Variants in RXRA observed in about 807,000 individuals in gnomAD.
The protein encoded by RXRA is retinoic acid receptor RXR-alpha.
A neutral mutation model predicts 44.5 loss-of-function variants in RXRA; 5 were observed. The ratio of observed to expected loss-of-function variants is 0.11; its 90% CI spans 0.06 to 0.24. The LOEUF (loss-of-function observed/expected upper bound fraction) is 0.24. RXRA is among the 10% of genes least tolerant of loss of function. The probability of loss-of-function intolerance (pLI) is 1.00; values close to 1 mark genes in which losing one functional copy is unlikely to be tolerated. For missense variants in RXRA, 412 were observed against 646.5 expected (o/e 0.64, Z 3.93); for synonymous variants, 291 against 271.4 (o/e 1.07, Z -0.71).
At position 134,439,949 on chromosome 9, in the gene RXRA, A is replaced by G. The variant is rs1282693618; in HGVS notation, c.*3335A>G. 1 of 152,450 alleles carries G rather than the reference A, an allele frequency of 6.6e-6. No homozygotes were observed. Among genetic ancestry groups the G allele is most frequent in the Non-Finnish European group, 1.5e-5 (1 of 68,042 alleles). 9.4% of individuals were successfully genotyped at this position (152,450 alleles called of 1,614,324 possible). On this transcript the variant is annotated 3_prime_UTR_variant, in exon 10 of 10. Coordinates refer to ENST00000481739, the MANE Select transcript of RXRA (RefSeq NM_002957.6). The stretch of plus-strand genomic sequence containing the variant: ...CAAGGCAGGAGATGCATCTATTTTA[A>G]GATGCTTTGGAGCAGACAGCTTTAG...
chr9:134,434,496 C>T (rs1267264503), intron 9 of RXRA, among the ~76,000 whole-genome samples: 2 of 152,192 alleles, frequency 1.3e-5, no homozygotes, highest in Non-Finnish European at 2.9e-5. Context: ...CTTCACCCCC[C>T]ACTGCGCTCC....
chr9:134,429,917 G>C (rs1471973394), intron 7 of RXRA, among the ~76,000 whole-genome samples: 4 of 151,538 alleles, frequency 2.6e-5, no homozygotes, highest in Non-Finnish European at 5.9e-5. Flanking sequence ...ATGGAGTCTC[G>C]CTCTGTCGCC....
At chr9:134,383,554 C>T (rs567798306) in intron 1 of RXRA, among the ~76,000 whole-genome samples, 13 of 152,216 alleles carry the variant, frequency 8.5e-5, no homozygotes, top group African/African-American at 2.6e-4. Flanking sequence ...ATAAATGAAG[C>T]GCATTGATGG....
At chr9:134,331,389 G>A (rs1245609757) in intron 1 of RXRA, among the ~76,000 whole-genome samples, 1 of 152,200 alleles carries the variant, frequency 6.6e-6, no homozygotes, top group Non-Finnish European at 1.5e-5. Context: ...TGGGGAGAGC[G>A]GGTGCGGACC....
At chr9:134,370,325 T>G (rs538232706) in intron 1 of RXRA, among the ~76,000 whole-genome samples, 7 of 152,198 alleles carry the variant, frequency 4.6e-5, no homozygotes, top group Non-Finnish European at 1.0e-4. Context: ...CAGGGCTCTC[T>G]GCCCTCGCCG....
At chr9:134,354,683 G>A (rs1830262134) in intron 1 of RXRA, among the ~76,000 whole-genome samples, 1 of 152,250 alleles carries the variant, frequency 6.6e-6, no homozygotes, top group Non-Finnish European at 1.5e-5. Context: ...GGTTCCTCCT[G>A]CAGCTGTGCT....
Position 134,379,373 on chromosome 9 carries a change from T to G in RXRA, c.29-22259T>G, listed in dbSNP as rs967661955. 8 of 987,376 alleles carry G rather than the reference T, an allele frequency of 8.1e-6. No individual in the cohort carries two copies. The African/African-American group carries it at 1.0e-4, about 13-fold the overall frequency. The allele number at this position is 987,376 out of a possible 1,614,324, so 61.2% of individuals were successfully genotyped here. A position where few individuals can be genotyped will look rare whatever the true frequency, so the allele number is the denominator to read the frequency against. ...AGACAGTGGGAGGGGAGGCTGGCTG[T>G]CCTGTGGTGAGCTGCTTCTGGGGCA... On this transcript the variant is annotated intron_variant, in intron 1 of 9. Coordinates refer to ENST00000481739, the MANE Select transcript of RXRA (RefSeq NM_002957.6).
chr9:134,435,323 C>T (rs1564300956), intron 9 of RXRA, among the ~76,000 whole-genome samples: 1 of 152,146 alleles, frequency 6.6e-6, no homozygotes, highest in Non-Finnish European at 1.5e-5. Context: ...CTGTCCTCAG[C>T]GGCAGCTGCT....
At chr9:134,423,818 C>T (rs536227096) in intron 6 of RXRA, 4 of 985,458 alleles carry the variant, frequency 4.1e-6, no homozygotes, top group Admixed American at 6.1e-5. Flanking sequence ...GCCTGCCTGA[C>T]CCCAGTGGTC....
At chr9:134,370,377 G>C (rs1017862689) in intron 1 of RXRA, among the ~76,000 whole-genome samples, 2 of 152,222 alleles carry the variant, frequency 1.3e-5, no homozygotes, top group African/African-American at 4.8e-5. Flanking sequence ...TGCCCGGCTG[G>C]TTCCAAGGCC....
At chr9:134,332,695 G>C (rs1835024404) in intron 1 of RXRA, among the ~76,000 whole-genome samples, 1 of 152,192 alleles carries the variant, frequency 6.6e-6, no homozygotes, top group African/African-American at 2.4e-5. Context: ...GGTGCCCGGA[G>C]ACTGGGGGAT....
chr9:134,403,980 CCCTG>C, intron 2 of RXRA: 1 of 152,380 alleles, frequency 6.6e-6, no homozygotes, highest in East Asian at 1.9e-4. Flanking sequence ...CTTGACTTGG[CCCTG>C]GTTCCCCAGA....
chr9:134,356,388 G>A (rs1463361272), intron 1 of RXRA, among the ~76,000 whole-genome samples: 1 of 152,112 alleles, frequency 6.6e-6, no homozygotes, highest in Admixed American at 6.5e-5. Flanking sequence ...AGCTCCCACC[G>A]GGAACACACC....
chr9:134,371,639 C>T (rs948352875), intron 1 of RXRA, among the ~76,000 whole-genome samples: 2 of 152,250 alleles, frequency 1.3e-5, no homozygotes, highest in Non-Finnish European at 2.9e-5. Context: ...GCTCTTGGGC[C>T]GGTGCCTCTG....
intron 6 of RXRA, chr9:134,427,149 A>G (rs1831447345): frequency 1.0e-6 from 1 of 984,676 alleles, no homozygotes; most frequent in Admixed American, 6.2e-5. Flanking sequence ...GTGATGCTAC[A>G]GATGTTTCAT....
intron 1 of RXRA, among the ~76,000 whole-genome samples, chr9:134,327,253 C>G (rs547899129): frequency 7.0e-4 from 107 of 152,252 alleles, no homozygotes; most frequent in African/African-American, 2.5e-3. Flanking sequence ...AGGCCCCATT[C>G]CAGAAATGGG....
chr9:134,426,115 G>A lies in RXRA; in HGVS notation c.911-2993G>A. ...TTGGGAAGGGCCAGCCTCTTGAGTT[G>A]GAGGACATAGTGACCAAGGGAGCAG... On this transcript the variant is annotated intron_variant, in intron 6 of 9. Transcript: ENST00000481739. The surrounding 1 kb of genome is among the most constrained non-coding windows in gnomAD (Gnocchi z 4.6). The A allele has an allele frequency of 3.0e-6, 3 of 985,408 alleles. No individual in the cohort carries two copies. Among genetic ancestry groups the A allele is most frequent in the Non-Finnish European group, 3.6e-6 (3 of 829,920 alleles). 61.0% of individuals were successfully genotyped at this position (985,408 alleles called of 1,614,324 possible). A position where few individuals can be genotyped will look rare whatever the true frequency, so the allele number is the denominator to read the frequency against.
chr9:134,328,571 T>A (rs901301364), intron 1 of RXRA, among the ~76,000 whole-genome samples: 13 of 152,198 alleles, frequency 8.5e-5, no homozygotes, highest in Non-Finnish European at 1.6e-4. Context: ...CAGAGAGCCC[T>A]GGGCTCTGAT....
At chr9:134,353,188 C>G (rs7872402) in intron 1 of RXRA, among the ~76,000 whole-genome samples, 5,822 of 152,104 alleles carry the variant, frequency 0.038, 376 homozygotes, top group African/African-American at 0.13. Context: ...CCAACTTTTA[C>G]TTTTGAAACA....
Sources: gnomAD v4.1 joint callset for allele counts (sites outside exome capture counted in the v4.1 genomes callset) on GRCh38, gnomAD v4.1.1 for gene constraint, Gnocchi (gnomAD v3.1) non-coding constraint, MANE v1.5 for transcripts, NCBI Gene and HGNC (gene_info 2026-07-23, HGNC 2026-07-21) for gene names.